BPTF: variants seen among roughly 807,000 people sequenced by gnomAD.
BPTF encodes the protein bromodomain PHD finger transcription factor.
In BPTF, 18 loss-of-function variants were observed where a neutral mutation model predicts 292.5. That is an observed-to-expected ratio of 0.06 (90% CI 0.04 to 0.09). The LOEUF is 0.09. BPTF is among the 10% of genes least tolerant of loss of function. BPTF has a pLI of 1.00. For missense variants in BPTF, 2,726 were observed against 3,498.7 expected, an observed-to-expected ratio of 0.78 and a Z score of 5.57; for synonymous variants, 1,225 against 1,251.9, an observed-to-expected ratio of 0.98 and a Z score of 0.45.
At chr17:67,964,451 T>A (rs1402572210) in intron 25 of BPTF, 47 bp downstream of exon 25, 1 of 1,545,756 alleles carries the variant, frequency 6.5e-7, no homozygotes, top group Non-Finnish European at 8.8e-7. Flanking sequence ...TCAGCCAGCA[T>A]AATTTTGGAA....
chr17:67,912,148 T>G lies in BPTF; in HGVS notation c.4264T>G (p.Cys1422Gly). 6.2e-7 allele frequency: 1 copy of G among 1,612,150 alleles called. No individual in the cohort carries two copies. Among genetic ancestry groups the G allele is most frequent in the Non-Finnish European group, 8.5e-7 (1 of 1,179,198 alleles). Reference sequence around the variant, plus strand: ...ACCCAAAATATATTTGAAAGGTGAATGCTTGAAAGAAATTTCTGAGAGTAG... The same window carrying G: ...ACCCAAAATATATTTGAAAGGTGAAGGCTTGAAAGAAATTTCTGAGAGTAG... Reference protein sequence around the residue: ...NKPKIYLKGECLKEISESRVV... With the variant: ...NKPKIYLKGEGLKEISESRVV... Residue 1422 changes from cysteine to glycine, a missense_variant, in exon 11 of 28, where the codon TGC (cysteine) becomes GGC (glycine). Physicochemically the swap from Cys to Gly is radical, Grantham distance 159. This residue lies in a region of BPTF where 713 missense variants were observed against 714.9 expected (regional missense o/e 1.00). Transcript: ENST00000306378.
At chr17:67,850,296 G>A (rs930612009) in intron 1 of BPTF, among the ~76,000 whole-genome samples, 9 of 152,162 alleles carry the variant, frequency 5.9e-5, no homozygotes, top group African/African-American at 1.4e-4. Flanking sequence ...GTATTCATCC[G>A]TAAGTAGTAT....
At chr17:67,865,855 G>T (rs1360141752) in intron 2 of BPTF, among the ~76,000 whole-genome samples, 1 of 152,172 alleles carries the variant, frequency 6.6e-6, no homozygotes, top group African/African-American at 2.4e-5. Flanking sequence ...GGCTTCGATT[G>T]TCCAGAAGTA....
intron 7 of BPTF, among the ~76,000 whole-genome samples, chr17:67,899,053 C>T (rs1354452673): frequency 6.6e-6 from 1 of 151,800 alleles, no homozygotes. Flanking sequence ...TTAACACATA[C>T]AATTTTGTTC....
At chr17:67,826,431 C>T (rs990790905) in intron 1 of BPTF, 94 bp downstream of exon 1, 2 of 1,273,144 alleles carry the variant, frequency 1.6e-6, no homozygotes, top group African/African-American at 1.6e-5. Flanking sequence ...GCTCCGATCT[C>T]CCCCCAACCC....
intron 23 of BPTF, chr17:67,951,641 C>T (rs1255766154): frequency 6.6e-6 from 1 of 152,152 alleles, no homozygotes; most frequent in African/African-American, 2.4e-5. Flanking sequence ...ATCTAACCCC[C>T]AAAGACAATC....
chr17:67,907,491 G>C (rs1449967744), intron 9 of BPTF, among the ~76,000 whole-genome samples: 1 of 151,824 alleles, frequency 6.6e-6, no homozygotes, highest in East Asian at 1.9e-4. Context: ...AAATAGCTGG[G>C]ATTACAAGTA....
Position 67,904,010 on chromosome 17 carries a change from A to G in BPTF, c.2673+92A>G, listed in dbSNP as rs569003707. The G allele has an allele frequency of 2.8e-5, 31 of 1,098,176 alleles. 1 individual carries two copies. The South Asian group carries it at 2.9e-4, about 10-fold the overall frequency. 68.0% of individuals were successfully genotyped at this position (1,098,176 alleles called of 1,614,324 possible). A position where few individuals can be genotyped will look rare whatever the true frequency, so the allele number is the denominator to read the frequency against. ...AATACTTACTAATTTTATTTTTGAC[A>G]TAGTCTTTGTATTTTATTTATTTAT... On this transcript the variant is annotated intron_variant, in intron 8 of 27. Coordinates refer to ENST00000306378, the MANE Select transcript of BPTF (RefSeq NM_182641.4).
In BPTF at chr17:67,879,157, T is replaced by A. The variant is rs1207369212; in HGVS notation, c.1864+4137T>A. Among the ~76,000 whole-genome samples, 5 of 147,412 alleles carry A rather than the reference T, an allele frequency of 3.4e-5. No individual in the cohort carries two copies. The East Asian group carries it at 8.8e-4, about 26-fold the overall frequency. On this transcript the variant is annotated intron_variant, in intron 4 of 27. Transcript: ENST00000306378. ...ATTTCTTTTTTTTTTTTTTTTTCTT[T>A]TTGAGATGGAGTTTCAGTCTTTCGC...
At chr17:67,954,034 G>A (rs1468692922) in intron 23 of BPTF, among the ~76,000 whole-genome samples, 4 of 116,534 alleles carry the variant, frequency 3.4e-5, no homozygotes, top group Non-Finnish European at 4.9e-5. Flanking sequence ...TTGCCCAGGC[G>A]GGAGTGCAGC....
At chr17:67,961,010 TTTTAC>T (rs1419380191) in intron 24 of BPTF, among the ~76,000 whole-genome samples, 1 of 152,252 alleles carries the variant, frequency 6.6e-6, no homozygotes, top group Non-Finnish European at 1.5e-5. Context: ...ACTGATTTTT[TTTTAC>T]TTTAGTTTAA....
rs73351760 is a variant in BPTF at position 67,826,204 on chromosome 17, C to G, written c.480C>G (p.Asp160Glu). The G allele has an allele frequency of 6.8e-3, 10,931 of 1,612,342 alleles. 675 individuals are homozygous for G. The African/African-American group carries it at 0.13, about 19-fold the overall frequency. The change falls in exon 1 of 28, where the codon GAC becomes GAG. Residue 160 changes from aspartate to glutamate, a missense_variant. By Grantham distance (45) the Asp-to-Glu change is conservative. This residue lies in a region of BPTF where 153 missense variants were observed against 178.3 expected (regional missense o/e 0.86). Coordinates refer to ENST00000306378, the MANE Select transcript of BPTF (RefSeq NM_182641.4). ...GDAEETQDSE[D>E]DEEDEMEEDD... ...CCGAGGAGACCCAGGATTCTGAGGA[C>G]GACGAGGAGGATGAGATGGAAGAGG...
chr17:67,903,507 A>G (rs1488370105), intron 7 of BPTF, among the ~76,000 whole-genome samples: 1 of 152,264 alleles, frequency 6.6e-6, no homozygotes, highest in African/African-American at 2.4e-5. Flanking sequence ...AAAGAGATAC[A>G]TAAATGTTGG....
intron 1 of BPTF, among the ~76,000 whole-genome samples, chr17:67,829,238 C>T (rs12601921): frequency 0.2 from 30,252 of 150,160 alleles, 3,797 homozygotes; most frequent in East Asian, 0.66. Context: ...TTTCATATTG[C>T]TTGCCAGGCA....
chr17:67,918,592 A>G, intron 11 of BPTF, 122 bp from the exon 12 acceptor site: 2 of 833,320 alleles, frequency 2.4e-6, no homozygotes, highest in Non-Finnish European at 3.5e-6. Context: ...ACCATATTAT[A>G]AATACTGGAG....
At chr17:67,844,717 G>T (rs1006526147) in intron 1 of BPTF, among the ~76,000 whole-genome samples, 2 of 152,002 alleles carry the variant, frequency 1.3e-5, no homozygotes, top group East Asian at 1.9e-4. Context: ...CTTACAGTAT[G>T]TCTCACCATT....
intron 11 of BPTF, among the ~76,000 whole-genome samples, chr17:67,913,403 T>G (rs1366326794): frequency 2.0e-5 from 3 of 152,116 alleles, no homozygotes. Flanking sequence ...GTCTTAAAAT[T>G]TAAGGGACTA....
chr17:67,835,632 T>C (rs1209915666), intron 1 of BPTF, among the ~76,000 whole-genome samples: 1 of 151,892 alleles, frequency 6.6e-6, no homozygotes, highest in Non-Finnish European at 1.5e-5. Context: ...GAAGTTAACA[T>C]GTGATTAGAA....
intron 13 of BPTF, among the ~76,000 whole-genome samples, chr17:67,921,808 G>A (rs2063465504): frequency 1.3e-5 from 2 of 152,106 alleles, no homozygotes; most frequent in Non-Finnish European, 2.9e-5. Context: ...AAGGCGGGTG[G>A]GTCATTTGAG....
Sources: allele counts gnomAD v4.1 joint callset (sites outside exome capture counted in the v4.1 genomes callset), GRCh38; gene constraint gnomAD v4.1.1; regional missense constraint gnomAD v4.1.1; transcripts MANE v1.5; gene names NCBI Gene and HGNC (gene_info 2026-07-23, HGNC 2026-07-21).